Variants in ME3 observed in about 807,000 individuals in gnomAD.
ME3 encodes malic enzyme 3, also known as NADP-dependent malic enzyme, mitochondrial.
Under a neutral mutation model 68.9 loss-of-function variants are expected in ME3, and 48 were observed. The observed-to-expected ratio is 0.70, with a 90% CI of 0.55 to 0.89. The LOEUF (loss-of-function observed/expected upper bound fraction) is 0.89, where lower values mean the gene tolerates loss of function less well. Ranked by LOEUF, ME3 falls within the 40% of genes least tolerant of loss-of-function variation. The probability of loss-of-function intolerance (pLI) is 0.00; values close to 1 mark genes in which losing one functional copy is unlikely to be tolerated. For missense variants in ME3, 675 were observed against 797.4 expected, an observed-to-expected ratio of 0.85 and a Z score of 1.85; for synonymous variants, 320 against 318.8, an observed-to-expected ratio of 1.00 and a Z score of -0.04.
At chr11:86,533,500 T>C (rs889301213) in intron 4 of ME3, among the ~76,000 whole-genome samples, 2 of 152,134 alleles carry the variant, frequency 1.3e-5, no homozygotes, top group African/African-American at 4.8e-5. Context: ...GAATCAGTGA[T>C]CAAAAGTCAA....
At chr11:86,560,697 T>A (rs540876649) in intron 2 of ME3, among the ~76,000 whole-genome samples, 9 of 144,346 alleles carry the variant, frequency 6.2e-5, no homozygotes, top group African/African-American at 2.3e-4. Flanking sequence ...TATATGTATA[T>A]AATGATATGT....
Position 86,672,042 on chromosome 11 carries a change from G to C in ME3, c.-14-84C>G, listed in dbSNP as rs994072391. 26 of 1,135,730 alleles carry C rather than the reference G, an allele frequency of 2.3e-5. No homozygotes were observed. In the African/African-American group the frequency reaches 3.5e-4, roughly 15 times the overall value. 70.4% of individuals were successfully genotyped at this position (1,135,730 alleles called of 1,614,324 possible). A position where few individuals can be genotyped will look rare whatever the true frequency, so the allele number is the denominator to read the frequency against. On this transcript the variant is annotated intron_variant, in intron 1 of 14. Coordinates refer to ENST00000543262, the Ensembl canonical transcript of ME3. The stretch of plus-strand genomic sequence containing the variant: ...CGCTGCGGGGCACCGGGCCTGATCC[G>C]GGGACGCGCCCTCTGGGAGAGGGCA...
rs188030501 is a variant in ME3, at chr11:86,585,265, G to C, written c.184-25442C>G. ...TAGAAAAGATCATTTTGGCTGCAGT[G>C]AGGAGAATTTTTGGAAGGGTCCAAG... On this transcript the variant is annotated intron_variant, in intron 2 of 14. Transcript: ENST00000543262. Among the ~76,000 whole-genome samples, 332 of 152,312 alleles carry C rather than the reference G, an allele frequency of 2.2e-3. 2 individuals are homozygous for C. Among genetic ancestry groups the C allele is most frequent in the African/African-American group, 7.8e-3 (325 of 41,560 alleles).
chr11:86,585,871 C>T (rs922419269), intron 2 of ME3, among the ~76,000 whole-genome samples: 3 of 152,100 alleles, frequency 2.0e-5, no homozygotes, highest in Non-Finnish European at 4.4e-5. Context: ...AGGAGAACCA[C>T]AAGATGGGTT....
chr11:86,595,486 G>A lies in ME3; in HGVS notation c.184-35663C>T, dbSNP rs1033017276. Reference sequence around the variant, plus strand: ...TAAAGCCAGGATCTGATCCCAATTAGTCTGCCTTTAGAGTCTGTGCTCTTA... The same window carrying A: ...TAAAGCCAGGATCTGATCCCAATTAATCTGCCTTTAGAGTCTGTGCTCTTA... On this transcript the variant is annotated intron_variant, in intron 2 of 14. Transcript: ENST00000543262. 1.8e-4 allele frequency among the ~76,000 whole-genome samples: 21 copies of A among 116,910 alleles called. 3 individuals are homozygous for A. The highest frequency in any genetic ancestry group is 6.8e-4 in the African/African-American group (21 of 31,000). The allele number at this position is 116,910 out of a possible 152,430, so 76.7% of individuals were successfully genotyped here. A position where few individuals can be genotyped will look rare whatever the true frequency, so the allele number is the denominator to read the frequency against.
At chr11:86,502,793 A>G (rs1952815316) in intron 5 of ME3, among the ~76,000 whole-genome samples, 2 of 152,128 alleles carry the variant, frequency 1.3e-5, no homozygotes, top group Admixed American at 1.3e-4. Flanking sequence ...GCTGTGCCAT[A>G]TTCTTCCTTT....
At chr11:86,654,489 C>G (rs1053049422) in intron 2 of ME3, among the ~76,000 whole-genome samples, 6 of 152,156 alleles carry the variant, frequency 3.9e-5, no homozygotes, top group Admixed American at 6.5e-5. Context: ...GAACCAGTGA[C>G]AAAAACCACA....
chr11:86,671,811 G>A, exon 2 of ME3: 1 of 1,602,838 alleles, frequency 6.2e-7, no homozygotes, highest in Non-Finnish European at 8.5e-7. Flanking sequence ...CTTCTTCAGG[G>A]GCACAGGGCG....
chr11:86,471,515 C>A (rs1950782997), intron 7 of ME3, among the ~76,000 whole-genome samples: 1 of 152,098 alleles, frequency 6.6e-6, no homozygotes, highest in Non-Finnish European at 1.5e-5. Flanking sequence ...TCTCTGGGGT[C>A]CCGTGATATT....
intron 2 of ME3, among the ~76,000 whole-genome samples, chr11:86,574,756 G>A (rs1047386996): frequency 1.3e-5 from 2 of 152,216 alleles, no homozygotes; most frequent in African/African-American, 4.8e-5. Flanking sequence ...TGTAATCTGA[G>A]AGAAGACTCA....
At chr11:86,500,592 C>A (rs940051298) in intron 5 of ME3, among the ~76,000 whole-genome samples, 2 of 143,610 alleles carry the variant, frequency 1.4e-5, no homozygotes, top group Admixed American at 6.8e-5. Context: ...CCTTTAGTTA[C>A]TTTGAACTGT....
At chr11:86,563,826 G>C (rs79138855) in intron 2 of ME3, among the ~76,000 whole-genome samples, 7 of 152,130 alleles carry the variant, frequency 4.6e-5, no homozygotes, top group African/African-American at 1.7e-4. Flanking sequence ...TTTTGTATCA[G>C]TACCATGCTG....
At chr11:86,556,807 G>T in intron 3 of ME3, 105 bp from the exon 4 acceptor site, 1 of 1,279,306 alleles carries the variant, frequency 7.8e-7, no homozygotes, top group Non-Finnish European at 1.1e-6. Context: ...GCTCAGCCCG[G>T]AACATTCATG....
intron 12 of ME3, 184 bp downstream of exon 12, chr11:86,446,874 TGGAGTCA>T: frequency 1.4e-6 from 1 of 736,632 alleles, no homozygotes; most frequent in Non-Finnish European, 2.1e-6. Context: ...ACTTGGGCTT[TGGAGTCA>T]GACCTGGGTT....
At chr11:86,620,286 G>A (rs546258472) in intron 2 of ME3, among the ~76,000 whole-genome samples, 3 of 152,026 alleles carry the variant, frequency 2.0e-5, no homozygotes, top group Non-Finnish European at 2.9e-5. Context: ...ATATCATTTC[G>A]GGTGGGTGAA....
At chr11:86,612,052 G>A (rs1942620899) in intron 2 of ME3, among the ~76,000 whole-genome samples, 1 of 151,754 alleles carries the variant, frequency 6.6e-6, no homozygotes, top group South Asian at 2.1e-4. Context: ...CATCCTCTAA[G>A]TTACCTTCCC....
At chr11:86,631,395 A>T (rs1944005551) in intron 2 of ME3, among the ~76,000 whole-genome samples, 1 of 152,188 alleles carries the variant, frequency 6.6e-6, no homozygotes. Context: ...AGGTCAGTCC[A>T]CCTGCAAAAC....
At chr11:86,453,953 C>A (rs1949778261) in intron 8 of ME3, among the ~76,000 whole-genome samples, 1 of 152,146 alleles carries the variant, frequency 6.6e-6, no homozygotes, top group South Asian at 2.1e-4. Context: ...CTTTTGAATT[C>A]TTTAATAGAC....
intron 2 of ME3, among the ~76,000 whole-genome samples, chr11:86,599,579 C>T (rs1233436491): frequency 6.6e-6 from 1 of 152,146 alleles, no homozygotes; most frequent in East Asian, 1.9e-4. Context: ...GGCCAACATT[C>T]AGATTCAGGA....
Sources: allele counts gnomAD v4.1 joint callset (sites outside exome capture counted in the v4.1 genomes callset), GRCh38; gene constraint gnomAD v4.1.1; transcripts MANE v1.5; gene names NCBI Gene and HGNC (gene_info 2026-07-23, HGNC 2026-07-21).